ATG13: variants seen among roughly 807,000 people sequenced by gnomAD.
The protein encoded by ATG13 is autophagy-related protein 13.
Under a neutral mutation model 65.5 loss-of-function variants are expected in ATG13, and 23 were observed. The observed-to-expected ratio is 0.35, with a 90% CI of 0.25 to 0.50. The LOEUF (loss-of-function observed/expected upper bound fraction) is 0.50, where lower values mean the gene tolerates loss of function less well. Among genes scored for constraint, ATG13 ranks in the 20% least tolerant of loss-of-function variants. The pLI is 0.98. For missense variants in ATG13, 566 were observed against 677.0 expected (o/e 0.84, Z 1.82); for synonymous variants, 252 against 245.2 (o/e 1.03, Z -0.26).
At chr11:46,670,743 G>C (rs1315305393) in intron 18 of ATG13, among the ~76,000 whole-genome samples, 1 of 152,092 alleles carries the variant, frequency 6.6e-6, no homozygotes, top group African/African-American at 2.4e-5. Context: ...AGCTGGGGAA[G>C]TCAATGCTGG....
intron 15 of ATG13, 113 bp from the exon 16 acceptor site, chr11:46,668,386 G>T: frequency 9.5e-7 from 1 of 1,047,460 alleles, no homozygotes; most frequent in South Asian, 1.4e-5. Context: ...GGGGCAGCAT[G>T]GTCAGCATAG....
chr11:46,635,111 G>A (rs1372486414), intron 2 of ATG13, among the ~76,000 whole-genome samples: 1 of 151,794 alleles, frequency 6.6e-6, no homozygotes, highest in African/African-American at 2.4e-5. Flanking sequence ...AAGTTCAAGC[G>A]ATTCTCGTGC....
At chr11:46,627,388 A>G (rs1263123880) in intron 1 of ATG13, among the ~76,000 whole-genome samples, 1 of 152,132 alleles carries the variant, frequency 6.6e-6, no homozygotes, top group Non-Finnish European at 1.5e-5. Context: ...CAAAAAATAA[A>G]TAAATAAATA....
intron 1 of ATG13, among the ~76,000 whole-genome samples, chr11:46,621,588 T>TA (rs1341680948): frequency 6.6e-6 from 1 of 152,182 alleles, no homozygotes; most frequent in Non-Finnish European, 1.5e-5. Flanking sequence ...TTATGGATCT[T>TA]ACATTTATGT....
In ATG13 at chr11:46,643,184, G is replaced by T. The variant is rs1591773490; in HGVS notation, c.-13-1095G>T. On this transcript the variant is annotated intron_variant, in intron 2 of 18. Coordinates refer to ENST00000683050, the MANE Select transcript of ATG13 (RefSeq NM_001346311.2). ...GGTCTCTCAGACATTTGTTTCAAAC[G>T]GCTGATTGAGGGAGTTCAGGGGTTG... Among the ~76,000 whole-genome samples, 2 of 152,134 alleles carry T rather than the reference G, an allele frequency of 1.3e-5. 1 individual carries two copies. Among genetic ancestry groups the T allele is most frequent in the South Asian group, 4.1e-4 (2 of 4,824 alleles).
chr11:46,650,387 G>T, intron 7 of ATG13, 70 bp downstream of exon 7: 1 of 1,533,466 alleles, frequency 6.5e-7, no homozygotes, highest in Non-Finnish European at 8.8e-7. Context: ...CTGGCATTTA[G>T]ATGTTCTGTG....
intron 10 of ATG13, among the ~76,000 whole-genome samples, 155 bp downstream of exon 10, chr11:46,657,777 T>G (rs528801021): frequency 1.6e-4 from 25 of 152,322 alleles, no homozygotes; most frequent in African/African-American, 5.8e-4. Context: ...ATGGGCCAGT[T>G]TCCCTTCTTT....
intron 2 of ATG13, among the ~76,000 whole-genome samples, chr11:46,634,541 T>C (rs1366605337): frequency 1.3e-5 from 2 of 150,986 alleles, no homozygotes; most frequent in African/African-American, 2.4e-5. Context: ...ACTATAGGCA[T>C]GCACCAACAC....
intron 2 of ATG13, among the ~76,000 whole-genome samples, chr11:46,638,239 C>A (rs1002067282): frequency 2.6e-5 from 4 of 152,098 alleles, no homozygotes; most frequent in African/African-American, 9.7e-5. Flanking sequence ...GAGTTCAAAA[C>A]CAGCCTGGCC....
chr11:46,631,693 C>T (rs1591564558), intron 2 of ATG13, among the ~76,000 whole-genome samples: 3 of 152,010 alleles, frequency 2.0e-5, no homozygotes, highest in South Asian at 2.1e-4. Flanking sequence ...CGGAGACACC[C>T]GACCCACCCC....
At position 46,667,840 on chromosome 11, in the gene ATG13, A is replaced by G. The variant is rs148771650; in HGVS notation, c.1204A>G (p.Ile402Val). ...RASPHDVLETIFVRKVGAFVN... is the reference protein window; with the variant it reads ...RASPHDVLETVFVRKVGAFVN... Reference sequence around the variant, plus strand: ...CTCCCCTCACGATGTCTTGGAGACCATCTTTGTCCGAAAAGTGGGGGCTTT... The same window carrying G: ...CTCCCCTCACGATGTCTTGGAGACCGTCTTTGTCCGAAAAGTGGGGGCTTT... Residue 402 changes from isoleucine (I) to valine (V), a missense_variant, in exon 15 of 19, where the codon ATC (isoleucine) becomes GTC (valine). Around this residue, in one of 2 missense-constraint regions of ATG13, gnomAD observed 387 missense variants for 409.8 expected, o/e 0.94. Coordinates refer to ENST00000683050, the MANE Select transcript of ATG13 (RefSeq NM_001346311.2). 2 of 1,612,974 alleles carry G rather than the reference A, an allele frequency of 1.2e-6. No individual in the cohort carries two copies. The highest frequency in any genetic ancestry group is 1.7e-6 in the Non-Finnish European group (2 of 1,179,078).
chr11:46,626,324 C>T (rs941655576), intron 1 of ATG13, among the ~76,000 whole-genome samples: 2 of 152,144 alleles, frequency 1.3e-5, no homozygotes, highest in Admixed American at 6.6e-5. Flanking sequence ...AACCTCAGCT[C>T]ACTGCAGCCT....
At chr11:46,624,223 C>T (rs558646431) in intron 1 of ATG13, among the ~76,000 whole-genome samples, 3 of 152,130 alleles carry the variant, frequency 2.0e-5, no homozygotes, top group African/African-American at 7.2e-5. Flanking sequence ...AGGCTGGTCT[C>T]GAACTCTTGA....
intron 1 of ATG13, among the ~76,000 whole-genome samples, chr11:46,629,666 G>T (rs566493913): frequency 5.9e-5 from 9 of 152,158 alleles, no homozygotes; most frequent in Admixed American, 5.9e-4. Context: ...CAAAATGCTG[G>T]GATTACAGGC....
At chr11:46,655,516 G>A (rs1365986238) in intron 7 of ATG13, among the ~76,000 whole-genome samples, 1 of 152,182 alleles carries the variant, frequency 6.6e-6, no homozygotes, top group Non-Finnish European at 1.5e-5. Context: ...GGAGGTTGCA[G>A]TGAGCCGAGA....
chr11:46,643,172 T>G (rs896709162), intron 2 of ATG13, among the ~76,000 whole-genome samples: 3 of 152,166 alleles, frequency 2.0e-5, no homozygotes, highest in East Asian at 3.9e-4. Flanking sequence ...CTCTCAGACA[T>G]TTGTTTCAAA....
chr11:46,624,038 G>T (rs1372764998), intron 1 of ATG13, among the ~76,000 whole-genome samples: 1 of 143,908 alleles, frequency 6.9e-6, no homozygotes, highest in Non-Finnish European at 1.5e-5. Context: ...ATGGAGTCTC[G>T]CTGTCACCCA....
chr11:46,644,586 T>C (rs974979295), intron 3 of ATG13, among the ~76,000 whole-genome samples: 3 of 106,304 alleles, frequency 2.8e-5, no homozygotes, highest in Non-Finnish European at 6.8e-5. Flanking sequence ...AAAAAAAAAA[T>C]TTTTTTTTTT....
intron 2 of ATG13, among the ~76,000 whole-genome samples, chr11:46,642,919 T>A (rs1247682901): frequency 1.3e-5 from 2 of 152,226 alleles, no homozygotes; most frequent in Non-Finnish European, 2.9e-5. Flanking sequence ...TATTACTTCC[T>A]GTGAACAAAA....
Sources: allele counts gnomAD v4.1 joint callset (sites outside exome capture counted in the v4.1 genomes callset), GRCh38; gene constraint gnomAD v4.1.1; regional missense constraint gnomAD v4.1.1; transcripts MANE v1.5; gene names NCBI Gene and HGNC (gene_info 2026-07-23, HGNC 2026-07-21).